The following POMGNT2 variants were observed in gnomAD, a reference collection of about 807,000 sequenced individuals.
POMGNT2 encodes protein O-linked-mannose beta-1,4-N-acetylglucosaminyltransferase 2.
Under a neutral mutation model 37.8 loss-of-function variants are expected in POMGNT2, and 32 were observed. That is an observed-to-expected ratio of 0.85 (90% confidence interval 0.64 to 1.14). POMGNT2 has a LOEUF of 1.14. Among genes scored for constraint, POMGNT2 ranks in the 50% most tolerant of loss-of-function variants. The probability of loss-of-function intolerance (pLI) is 0.00; values close to 1 mark genes in which losing one functional copy is unlikely to be tolerated. For synonymous variants in POMGNT2, 340 were observed against 336.8 expected (o/e 1.01, Z -0.10); for missense variants, 705 against 780.6 (o/e 0.90, Z 1.15).
chr3:43,082,047 T>C (rs547845), intron 1 of POMGNT2, among the ~76,000 whole-genome samples: 3,764 of 152,292 alleles, frequency 0.025, 71 homozygotes, highest in Non-Finnish European at 0.038. Flanking sequence ...AGCCAACACA[T>C]AGACATCAGG....
Position 43,097,946 on chromosome 3 carries a change from G to A in POMGNT2, c.-106+7890C>T, listed in dbSNP as rs191020271. The stretch of plus-strand genomic sequence containing the variant: ...GCTGGCCTCACCATGGCCTGTGCCC[G>A]GGTTCCCAGTTTTGTGACTGCCAGA... On this transcript the variant is annotated intron_variant, in intron 1 of 1. Transcript: ENST00000344697. Among the ~76,000 whole-genome samples the A allele has an allele frequency of 6.2e-4, 95 of 152,212 alleles. 1 individual carries two copies. The highest frequency in any genetic ancestry group is 3.5e-3 in the South Asian group (17 of 4,814).
At chr3:43,082,426 T>C (rs928487115) in intron 1 of POMGNT2, among the ~76,000 whole-genome samples, 1 of 152,184 alleles carries the variant, frequency 6.6e-6, no homozygotes, top group Non-Finnish European at 1.5e-5. Flanking sequence ...GGTAAGATAA[T>C]TGTATCTGGG....
At chr3:43,085,099 CA>C (rs2089886700) in intron 1 of POMGNT2, among the ~76,000 whole-genome samples, 1 of 152,080 alleles carries the variant, frequency 6.6e-6, no homozygotes, top group Non-Finnish European at 1.5e-5. Flanking sequence ...ATACTCAGCA[CA>C]GAGTGTGTGT....
In POMGNT2 at chr3:43,098,175, T is replaced by C. The variant is rs539836541; in HGVS notation, c.-106+7661A>G. Reference sequence around the variant, plus strand: ...TGTTCACACTTCCAATTGAAAATTATAGAAATCTTATTTTGTCACTGAAAA... The same window carrying C: ...TGTTCACACTTCCAATTGAAAATTACAGAAATCTTATTTTGTCACTGAAAA... On this transcript the variant is annotated intron_variant, in intron 1 of 1. Transcript: ENST00000344697. This position sits in a 1 kb window ranked among gnomAD's most constrained non-coding sequence, Gnocchi z 4.3. Among the ~76,000 whole-genome samples the C allele has an allele frequency of 5.1e-4, 77 of 152,382 alleles. 1 individual carries two copies. Among genetic ancestry groups the C allele is most frequent in the Middle Eastern group, 3.4e-3 (1 of 294 alleles).
intron 1 of POMGNT2, among the ~76,000 whole-genome samples, chr3:43,093,543 G>A (rs62247990): frequency 0.11 from 16,826 of 152,256 alleles, 1,190 homozygotes; most frequent in Non-Finnish European, 0.15. Context: ...GATGGACAGA[G>A]CAACATTCTG....
At chr3:43,085,636 A>C (rs2089892019) in intron 1 of POMGNT2, among the ~76,000 whole-genome samples, 1 of 152,080 alleles carries the variant, frequency 6.6e-6, no homozygotes, top group African/African-American at 2.4e-5. Flanking sequence ...TGAATTGCCC[A>C]GTCTTGGGTA....
In POMGNT2 at chr3:43,079,320, CCAAT is replaced by C. The variant is rs1249153647; in HGVS notation, c.*365_*368del. Reference sequence around the variant, plus strand: ...ACTGGGATGGAAGCAGATGAACCACCCAATCAAACAGTACATGATTACTCGGTTT... The same window carrying C: ...ACTGGGATGGAAGCAGATGAACCACCCAAACAGTACATGATTACTCGGTTT... On this transcript the variant is annotated 3_prime_UTR_variant, in exon 2 of 2. Transcript: ENST00000344697. The C allele has an allele frequency of 2.1e-5, 4 of 190,274 alleles. No homozygotes were observed. Among genetic ancestry groups the C allele is most frequent in the Non-Finnish European group, 4.2e-5 (4 of 94,336 alleles). 11.8% of individuals were successfully genotyped at this position (190,274 alleles called of 1,614,324 possible).
chr3:43,079,612 T>C lies in POMGNT2; in HGVS notation c.*77A>G. The stretch of plus-strand genomic sequence containing the variant: ...GCTCAATAAATAGTTCCCAGAAGTC[T>C]CCACAGTGGGATTAATGGGCCCAGG... On this transcript the variant is annotated 3_prime_UTR_variant, in exon 2 of 2. Transcript: ENST00000344697. 7.5e-7 allele frequency: 1 copy of C among 1,326,256 alleles called. No individual in the cohort carries two copies. Among genetic ancestry groups the C allele is most frequent in the Non-Finnish European group, 1.0e-6 (1 of 955,064 alleles). The allele number at this position is 1,326,256 out of a possible 1,614,324, so 82.2% of individuals were successfully genotyped here. A position where few individuals can be genotyped will look rare whatever the true frequency, so the allele number is the denominator to read the frequency against.
At chr3:43,094,299 G>C (rs1327228744) in intron 1 of POMGNT2, among the ~76,000 whole-genome samples, 1 of 152,174 alleles carries the variant, frequency 6.6e-6, no homozygotes, top group Non-Finnish European at 1.5e-5. Flanking sequence ...TCACCACATC[G>C]AAATGTTCCT....
chr3:43,102,971 C>T (rs928902692), intron 1 of POMGNT2, among the ~76,000 whole-genome samples: 2 of 152,166 alleles, frequency 1.3e-5, no homozygotes, highest in Non-Finnish European at 2.9e-5. Context: ...CCTCCCCACC[C>T]AGCCAGGCAG....
Position 43,080,881 on chromosome 3 carries a change from C to A in POMGNT2, c.551G>T (p.Gly184Val), listed in dbSNP as rs1250832975. The A allele has an allele frequency of 6.2e-7, 1 of 1,614,106 alleles. No individual in the cohort carries two copies. Among genetic ancestry groups the A allele is most frequent in the South Asian group, 1.1e-5 (1 of 91,076 alleles). The change falls in exon 2 of 2, where the codon GGC becomes GTC. Residue 184 changes from glycine to valine, a missense_variant. Transcript: ENST00000344697. ...GAAGAGCCGTGCCTCGTGGGCCAGGCCGGGAAACTGCCGCAGGGTGTAGAA... is the reference window on the plus strand; with the variant it reads ...GAAGAGCCGTGCCTCGTGGGCCAGGACGGGAAACTGCCGCAGGGTGTAGAA... ...PLFYTLRQFP[G>V]LAHEARLFFM...
chr3:43,079,660 C>T lies in POMGNT2; in HGVS notation c.*29G>A. On this transcript the variant is annotated 3_prime_UTR_variant, in exon 2 of 2. Transcript: ENST00000344697. ...AGGGACGCTGAACTGCAGGAGCCAC[C>T]TTCCCGAGGCCAGGCTGTGGCCTGC... 6.3e-7 allele frequency: 1 copy of T among 1,584,190 alleles called. No homozygotes were observed. The highest frequency in any genetic ancestry group is 8.6e-7 in the Non-Finnish European group (1 of 1,164,046).
Position 43,079,529 on chromosome 3 carries a change from G to A in POMGNT2, c.*160C>T, listed in dbSNP as rs1011669852. The stretch of plus-strand genomic sequence containing the variant: ...TCAGGTCCCTTATCTCTAGGGCAAA[G>A]AGGAGTGCTGTGACACCACACCCCA... On this transcript the variant is annotated 3_prime_UTR_variant, in exon 2 of 2. Transcript: ENST00000344697. 3.5e-5 allele frequency: 22 copies of A among 635,382 alleles called. No homozygotes were observed. The South Asian group carries it at 4.4e-4, about 13-fold the overall frequency. 39.4% of individuals were successfully genotyped at this position (635,382 alleles called of 1,614,324 possible).
chr3:43,079,820 T>G lies in POMGNT2; in HGVS notation c.1612A>C (p.Ile538Leu). 2 of 1,614,214 alleles carry G rather than the reference T, an allele frequency of 1.2e-6. No individual in the cohort carries two copies. Among genetic ancestry groups the G allele is most frequent in the Non-Finnish European group, 1.7e-6 (2 of 1,180,044 alleles). Residue 538 changes from isoleucine to leucine, a missense_variant, in exon 2 of 2, where the codon ATC becomes CTC. Coordinates refer to ENST00000344697, the MANE Select transcript of POMGNT2 (RefSeq NM_032806.6). Reference sequence around the variant, plus strand: ...AAGGTGTGGTTCTGCAGAGCCAGGATGTAAGGCACGTAGGTGTTCTCCCCC... The same window carrying G: ...AAGGTGTGGTTCTGCAGAGCCAGGAGGTAAGGCACGTAGGTGTTCTCCCCC... ...EQGENTYVPY[I>L]LALQNHTFTE...
At chr3:43,091,008 C>A (rs539556213) in intron 1 of POMGNT2, among the ~76,000 whole-genome samples, 2 of 152,162 alleles carry the variant, frequency 1.3e-5, no homozygotes, top group Non-Finnish European at 1.5e-5. Flanking sequence ...TCTCCTCCCA[C>A]AAAGTATCTA....
chr3:43,080,026 G>A lies in POMGNT2; in HGVS notation c.1406C>T (p.Pro469Leu), dbSNP rs369787177. The A allele has an allele frequency of 7.4e-6, 12 of 1,613,754 alleles. No homozygotes were observed. In the African/African-American group the frequency reaches 1.5e-4, roughly 20 times the overall value. The change falls in exon 2 of 2, where the codon CCA (proline) becomes CTA (leucine). Residue 469 changes from proline to leucine, a missense_variant. Pro to Leu is a moderately conservative substitution (Grantham distance 98). Coordinates refer to ENST00000344697, the MANE Select transcript of POMGNT2 (RefSeq NM_032806.6). ...TGTCCACTTCTGCTTCCGTGGTCCT[G>A]GCCGGCCCTTCACCACGCGCCGTAT... ...QTIRRVVKGRPGPRKQKWTVG... is the reference protein window; with the variant it reads ...QTIRRVVKGRLGPRKQKWTVG...
In POMGNT2 at chr3:43,080,402, T is replaced by C. The variant is rs757138666; in HGVS notation, c.1030A>G (p.Met344Val). Reference protein sequence around the residue: ...LVSNASMLVSMHGAQLVTTLF... With the variant: ...LVSNASMLVSVHGAQLVTTLF... ...GTGGTGACCAGCTGGGCCCCATGCA[T>C]GCTGACCAGCATGGAGGCATTGCTG... Residue 344 changes from methionine (M) to valine (V), a missense_variant, in exon 2 of 2, where the codon ATG becomes GTG. Met to Val is a conservative substitution (Grantham distance 21, BLOSUM62 1). Transcript: ENST00000344697. The C allele has an allele frequency of 6.8e-6, 11 of 1,614,010 alleles. No individual in the cohort carries two copies. Among genetic ancestry groups the C allele is most frequent in the Admixed American group, 1.7e-5 (1 of 60,008 alleles).
At chr3:43,095,583 T>G (rs374529340) in intron 1 of POMGNT2, among the ~76,000 whole-genome samples, 1 of 152,214 alleles carries the variant, frequency 6.6e-6, no homozygotes, top group African/African-American at 2.4e-5. Context: ...TGTCTTGCCC[T>G]AAAGCGTTCC....
chr3:43,097,842 G>A (rs1233570804), intron 1 of POMGNT2, among the ~76,000 whole-genome samples: 1 of 152,228 alleles, frequency 6.6e-6, no homozygotes, highest in Admixed American at 6.5e-5. Flanking sequence ...ACCAAGGCCT[G>A]GGGCTGCTGG....
Sources: gnomAD v4.1 joint callset for allele counts (sites outside exome capture counted in the v4.1 genomes callset) on GRCh38, gnomAD v4.1.1 for gene constraint, Gnocchi (gnomAD v3.1) non-coding constraint, MANE v1.5 for transcripts, NCBI Gene and HGNC (gene_info 2026-07-23, HGNC 2026-07-21) for gene names.